The following METTL21C variants were observed in gnomAD, a reference collection of about 807,000 sequenced individuals.
METTL21C encodes protein-lysine methyltransferase METTL21C.
In METTL21C, 21 loss-of-function variants were observed where a neutral mutation model predicts 25.9. That is an observed-to-expected ratio of 0.81 (90% CI 0.58 to 1.17). The LOEUF (loss-of-function observed/expected upper bound fraction) is 1.17, where lower values mean the gene tolerates loss of function less well. Among genes scored for constraint, METTL21C ranks in the 50% most tolerant of loss-of-function variants. METTL21C has a pLI of 0.00. For missense variants in METTL21C, 312 were observed against 315.1 expected (o/e 0.99, Z 0.07); for synonymous variants, 125 against 124.7 (o/e 1.00, Z -0.01).
the METTL21C span, among the ~76,000 whole-genome samples, chr13:102,704,256 G>A: frequency 0.017 from 2,515 of 152,274 alleles, 63 homozygotes; most frequent in African/African-American, 0.057. Flanking sequence ...TTTCAAGCTA[G>A]GTTCTAATTC....
chr13:102,694,175 C>T (rs1047129701), intron 1 of METTL21C, among the ~76,000 whole-genome samples, 194 bp downstream of exon 1: 7 of 152,018 alleles, frequency 4.6e-5, no homozygotes, highest in Non-Finnish European at 7.4e-5. Context: ...CCAGGAATTA[C>T]TTTTAATAAG....
chr13:102,690,728 C>A, intron 2 of METTL21C, 85 bp downstream of exon 2: 1 of 1,496,496 alleles, frequency 6.7e-7, no homozygotes. Flanking sequence ...TATGAAGGAA[C>A]TTGACAAATT....
In METTL21C at chr13:102,694,900, T is replaced by TCTCA. The variant is rs1262985773; in HGVS notation, c.-403_-402insTGAG. ...CTCTCTCTCTCTCTCTCTCTCTCTCTCACACACACACACACACACACACAC... is the reference window on the plus strand; with the variant it reads ...CTCTCTCTCTCTCTCTCTCTCTCTCTCTCACACACACACACACACACACACACAC... On this transcript the variant is annotated 5_prime_UTR_variant, in exon 1 of 4. The change abolishes the stop of an existing upstream ORF in the 5' untranslated region. Coordinates refer to ENST00000267273, the MANE Select transcript of METTL21C (RefSeq NM_001010977.3). Among the ~76,000 whole-genome samples the TCTCA allele has an allele frequency of 1.9e-3, 252 of 135,564 alleles. 2 individuals carry two copies. The highest frequency in any genetic ancestry group is 0.011 in the Middle Eastern group (3 of 274). 88.9% of individuals were successfully genotyped at this position (135,564 alleles called of 152,430 possible). A position where few individuals can be genotyped will look rare whatever the true frequency, so the allele number is the denominator to read the frequency against.
chr13:102,702,175 G>T, the METTL21C span, among the ~76,000 whole-genome samples: 7 of 148,630 alleles, frequency 4.7e-5, no homozygotes, highest in Admixed American at 2.0e-4. Context: ...AAAAAAAAAA[G>T]TGTGTGTGTA....
At chr13:102,688,189 TG>T (rs1304284186) in intron 2 of METTL21C, among the ~76,000 whole-genome samples, 1 of 152,038 alleles carries the variant, frequency 6.6e-6, no homozygotes, top group Non-Finnish European at 1.5e-5. Context: ...CAGTTTGGAG[TG>T]GGGGCAGCCA....
the METTL21C span, among the ~76,000 whole-genome samples, chr13:102,702,848 C>T: frequency 6.6e-6 from 1 of 152,194 alleles, no homozygotes; most frequent in East Asian, 1.9e-4. Flanking sequence ...ACCTCGGCCT[C>T]CCAAAGTGCT....
upstream of METTL21C, among the ~76,000 whole-genome samples, chr13:102,696,248 G>C (rs1412989458): frequency 6.6e-6 from 1 of 152,052 alleles, no homozygotes; most frequent in African/African-American, 2.4e-5. Context: ...ATCATTCTCA[G>C]CAAACTAACA....
the METTL21C span, among the ~76,000 whole-genome samples, chr13:102,702,645 T>C: frequency 8.6e-5 from 13 of 152,044 alleles, no homozygotes; most frequent in East Asian, 2.5e-3. Flanking sequence ...TGGAGTGCAA[T>C]GGCGCAATCT....
At chr13:102,695,766 C>T (rs548623109), upstream of METTL21C, among the ~76,000 whole-genome samples, 1 of 152,272 alleles carries the variant, frequency 6.6e-6, no homozygotes, top group African/African-American at 2.4e-5. Flanking sequence ...TTTCTTATTC[C>T]CCAAATGCAT....
chr13:102,701,467 G>C, the METTL21C span, among the ~76,000 whole-genome samples: 4 of 152,196 alleles, frequency 2.6e-5, no homozygotes, highest in East Asian at 5.8e-4. Flanking sequence ...ATTCAAGGAA[G>C]CTGCCTCCAT....
chr13:102,686,538 G>T (rs1885679792), intron 3 of METTL21C, 113 bp from the exon 4 acceptor site: 11 of 1,272,610 alleles, frequency 8.6e-6, no homozygotes, highest in Middle Eastern at 2.1e-4. Flanking sequence ...TCTATTGGTG[G>T]GTGGGCTGGA....
upstream of METTL21C, among the ~76,000 whole-genome samples, chr13:102,695,095 CT>C (rs1885926116): frequency 6.6e-6 from 1 of 152,122 alleles, no homozygotes; most frequent in Non-Finnish European, 1.5e-5. Context: ...GTTGCACAGA[CT>C]TGCAAATTTT....
At chr13:102,702,198 T>C in the METTL21C span, among the ~76,000 whole-genome samples, 11 of 144,422 alleles carry the variant, frequency 7.6e-5, no homozygotes, top group Non-Finnish European at 1.3e-4. Flanking sequence ...TATATACATA[T>C]ATATATATGT....
rs1191326766 is a variant in METTL21C, at chr13:102,687,031, C to T, written c.309G>A (p.Glu103=). The T allele has an allele frequency of 1.2e-6, 2 of 1,613,918 alleles. No homozygotes were observed. Among genetic ancestry groups the T allele is most frequent in the East Asian group, 2.2e-5 (1 of 44,902 alleles). ...PGAMALCQYL[E]EHAEELNFQD... is the part of the protein sequence containing the mutation. ...GGAAATTCAATTCCTCGGCATGTTC[C>T]TCCAAGTATTGACACAAAGCCATAG... Residue 103 remains glutamate, a synonymous_variant, in exon 3 of 4, where the codon GAG becomes GAA. Coordinates refer to ENST00000267273, the MANE Select transcript of METTL21C (RefSeq NM_001010977.3).
chr13:102,701,493 C>A, the METTL21C span, among the ~76,000 whole-genome samples: 1 of 152,214 alleles, frequency 6.6e-6, no homozygotes. Flanking sequence ...CACCTTCTCA[C>A]GGACAACCAC....
upstream of METTL21C, among the ~76,000 whole-genome samples, chr13:102,699,180 G>A (rs1475600185): frequency 1.3e-5 from 2 of 152,130 alleles, no homozygotes; most frequent in Non-Finnish European, 2.9e-5. Flanking sequence ...TTCTCACCCA[G>A]TGCATACATA....
rs1403426508 is a variant in METTL21C at position 102,686,164 on chromosome 13, C to T, written c.662G>A (p.Trp221Ter). Residue 221 changes from tryptophan (W) to a stop codon, truncating the protein, a stop_gained, in exon 4 of 4, where the codon TGG becomes TAG. Coordinates refer to ENST00000267273, the MANE Select transcript of METTL21C (RefSeq NM_001010977.3). LOFTEE classifies it high-confidence loss of function. ...GGTGCTGAACCTGAATTTGTTTGCC[C>T]AAAGCAGCACCGTCCCTGGCTGGGA... ...YLSQPGTVLL[W>*]ANKFRFSTDY... The T allele has an allele frequency of 1.9e-6, 3 of 1,614,006 alleles. No homozygotes were observed. The highest frequency in any genetic ancestry group is 1.3e-5 in the African/African-American group (1 of 74,890).
chr13:102,692,072 T>C (rs1885846014), intron 1 of METTL21C, among the ~76,000 whole-genome samples: 1 of 152,120 alleles, frequency 6.6e-6, no homozygotes, highest in Admixed American at 6.5e-5. Context: ...TCAGTTTTGT[T>C]TGCACGAAAC....
At chr13:102,690,716 G>T (rs1257269674) in intron 2 of METTL21C, 97 bp downstream of exon 2, 7 of 1,407,934 alleles carry the variant, frequency 5.0e-6, no homozygotes, top group Admixed American at 2.2e-5. Context: ...TGAGAAGCAG[G>T]ATATGAAGGA....
Sources: allele counts gnomAD v4.1 joint callset (sites outside exome capture counted in the v4.1 genomes callset), GRCh38; gene constraint gnomAD v4.1.1; transcripts MANE v1.5; gene names NCBI Gene and HGNC (gene_info 2026-07-23, HGNC 2026-07-21).